Variants in AGAP1 observed in about 807,000 individuals in gnomAD.
AGAP1 encodes arf-GAP with GTPase, ANK repeat and PH domain-containing protein 1.
A neutral mutation model predicts 105.3 loss-of-function variants in AGAP1; 29 were observed. That is an observed-to-expected ratio of 0.28 (90% CI 0.21 to 0.38). The LOEUF is 0.38. Among genes scored for constraint, AGAP1 ranks in the 10% least tolerant of loss-of-function variants. The probability of loss-of-function intolerance (pLI) is 1.00; values close to 1 mark genes in which losing one functional copy is unlikely to be tolerated. For missense variants in AGAP1, 998 were observed against 1,165.1 expected, an observed-to-expected ratio of 0.86 and a Z score of 2.09; for synonymous variants, 509 against 485.9, an observed-to-expected ratio of 1.05 and a Z score of -0.63.
rs529294324 is a variant in AGAP1 at position 236,090,803 on chromosome 2, G to A, written c.2115-29389G>A. Among the ~76,000 whole-genome samples, 131 of 152,274 alleles carry A rather than the reference G, an allele frequency of 8.6e-4. No individual in the cohort carries two copies. Among genetic ancestry groups the A allele is most frequent in the African/African-American group, 3.0e-3 (125 of 41,542 alleles). On this transcript the variant is annotated intron_variant, in intron 16 of 17. Coordinates refer to ENST00000304032, the MANE Select transcript of AGAP1 (RefSeq NM_001037131.3). This position sits in a 1 kb window ranked among gnomAD's most constrained non-coding sequence, Gnocchi z 4.3. Reference sequence around the variant, plus strand: ...TGCCCAGCCTGGAGTGCAGTGGCACGATCTTGGCTCACTGCAACCCCCGCC... The same window carrying A: ...TGCCCAGCCTGGAGTGCAGTGGCACAATCTTGGCTCACTGCAACCCCCGCC...
chr2:235,724,568 A>G lies in AGAP1; in HGVS notation c.310+6924A>G, dbSNP rs1244027908. The stretch of plus-strand genomic sequence containing the variant: ...GAAGTCAGTGCCCTCCCAGATGGAA[A>G]AGGTACCTGCGGTGGTGGGGGGAGG... On this transcript the variant is annotated intron_variant, in intron 3 of 17. Coordinates refer to ENST00000304032, the MANE Select transcript of AGAP1 (RefSeq NM_001037131.3). This position sits in a 1 kb window ranked among gnomAD's most constrained non-coding sequence, Gnocchi z 4.9. Among the ~76,000 whole-genome samples, 1 of 152,176 alleles carries G rather than the reference A, an allele frequency of 6.6e-6. No individual in the cohort carries two copies. Among genetic ancestry groups the G allele is most frequent in the Non-Finnish European group, 1.5e-5 (1 of 68,026 alleles).
At chr2:235,917,569 AG>A (rs1418958877) in intron 11 of AGAP1, among the ~76,000 whole-genome samples, 3 of 152,200 alleles carry the variant, frequency 2.0e-5, no homozygotes, top group Non-Finnish European at 2.9e-5. Context: ...CCGCCGTGAC[AG>A]GGACCGGGGT....
rs1015878978 is a variant in AGAP1 at position 235,958,470 on chromosome 2, A to G, written c.1484-9992A>G. Among the ~76,000 whole-genome samples, 3 of 152,054 alleles carry G rather than the reference A, an allele frequency of 2.0e-5. No homozygotes were observed. Among genetic ancestry groups the G allele is most frequent in the African/African-American group, 7.2e-5 (3 of 41,402 alleles). On this transcript the variant is annotated intron_variant, in intron 12 of 17. Transcript: ENST00000304032. This position sits in a 1 kb window ranked among gnomAD's most constrained non-coding sequence, Gnocchi z 4.1. ...GGAGCGCGAGGGATATGAGAATCACAAGCACAGAGACTCATCTCTTGAATA... is the reference window on the plus strand; with the variant it reads ...GGAGCGCGAGGGATATGAGAATCACGAGCACAGAGACTCATCTCTTGAATA...
intron 1 of AGAP1, among the ~76,000 whole-genome samples, chr2:235,681,059 A>T (rs1023531780): frequency 6.6e-5 from 10 of 151,790 alleles, no homozygotes; most frequent in Non-Finnish European, 1.3e-4. Context: ...CCCAGGCTGG[A>T]GTGCAGTGGC....
At chr2:235,594,663 C>G (rs1207892992) in intron 1 of AGAP1, among the ~76,000 whole-genome samples, 2 of 151,986 alleles carry the variant, frequency 1.3e-5, no homozygotes, top group African/African-American at 4.8e-5. Context: ...CAACCTCCAT[C>G]TTCCGGGTTC....
chr2:235,804,900 A>G (rs905346375), intron 8 of AGAP1, among the ~76,000 whole-genome samples: 2 of 152,168 alleles, frequency 1.3e-5, no homozygotes, highest in African/African-American at 2.4e-5. Flanking sequence ...CTTGTGTCTG[A>G]TGATTCCTCG....
intron 1 of AGAP1, among the ~76,000 whole-genome samples, chr2:235,619,199 G>A (rs542028245): frequency 1.3e-5 from 2 of 152,176 alleles, no homozygotes; most frequent in African/African-American, 4.8e-5. Flanking sequence ...CCAAGTTTGT[G>A]GTTTGTTACA....
intron 10 of AGAP1, among the ~76,000 whole-genome samples, chr2:235,884,400 A>G (rs1575691539): frequency 6.8e-6 from 1 of 148,018 alleles, no homozygotes; most frequent in Non-Finnish European, 1.5e-5. Context: ...TTGCTATACT[A>G]TTGTTTTTTA....
chr2:235,879,621 T>TCCAG lies in AGAP1; in HGVS notation c.1051-3722_1051-3719dup, dbSNP rs1450724187. ...TGGCACAGTGGCTCACTCCCTGTCA[T>TCCAG]CCAGCACTTTCTAAAGACCTAAGCG... On this transcript the variant is annotated intron_variant, in intron 9 of 17. Transcript: ENST00000304032. The surrounding 1 kb of genome is among the most constrained non-coding windows in gnomAD (Gnocchi z 5.0). Among the ~76,000 whole-genome samples the TCCAG allele has an allele frequency of 6.6e-5, 10 of 152,038 alleles. No individual in the cohort carries two copies. Among genetic ancestry groups the TCCAG allele is most frequent in the Non-Finnish European group, 1.5e-4 (10 of 68,004 alleles).
chr2:235,509,049 C>T (rs1221897542), intron 1 of AGAP1, among the ~76,000 whole-genome samples: 1 of 152,186 alleles, frequency 6.6e-6, no homozygotes, highest in African/African-American at 2.4e-5. Context: ...TGTGTGCTCA[C>T]CTGCAGCCAC....
chr2:235,496,438 AGC>A (rs1041682146), intron 1 of AGAP1, among the ~76,000 whole-genome samples: 1 of 152,186 alleles, frequency 6.6e-6, no homozygotes, highest in African/African-American at 2.4e-5. Flanking sequence ...GTGGTGTTGC[AGC>A]AAGGTTCCTC....
intron 6 of AGAP1, among the ~76,000 whole-genome samples, chr2:235,778,707 G>T (rs529757787): frequency 6.6e-6 from 1 of 152,346 alleles, no homozygotes; most frequent in South Asian, 2.1e-4. Flanking sequence ...AGTGCTTGGA[G>T]CAGGGCCCCA....
intron 13 of AGAP1, among the ~76,000 whole-genome samples, chr2:236,006,472 A>G (rs2056326797): frequency 6.6e-6 from 1 of 152,204 alleles, no homozygotes. Flanking sequence ...GCATATGCAT[A>G]TATATCTACA....
At chr2:235,814,244 A>G (rs935227252) in intron 9 of AGAP1, among the ~76,000 whole-genome samples, 5 of 152,162 alleles carry the variant, frequency 3.3e-5, no homozygotes, top group Non-Finnish European at 5.9e-5. Flanking sequence ...TTCTCTACCC[A>G]GCACTTCCCT....
At chr2:235,847,620 C>G (rs1268816165) in intron 9 of AGAP1, among the ~76,000 whole-genome samples, 1 of 152,208 alleles carries the variant, frequency 6.6e-6, no homozygotes, top group African/African-American at 2.4e-5. Flanking sequence ...AATATTTTGA[C>G]TATTCATCAC....
In AGAP1 at chr2:236,040,352, A is replaced by G. The variant is rs1478889756; in HGVS notation, c.1801-399A>G. On this transcript the variant is annotated intron_variant, in intron 14 of 17. Coordinates refer to ENST00000304032, the MANE Select transcript of AGAP1 (RefSeq NM_001037131.3). This position sits in a 1 kb window ranked among gnomAD's most constrained non-coding sequence, Gnocchi z 5.6. ...TGTCTTACATTGCTGATGAAGCCCT[A>G]ACCCTGGGCTTATAAACGGATTATT... Among the ~76,000 whole-genome samples the G allele has an allele frequency of 5.9e-5, 9 of 152,120 alleles. No individual in the cohort carries two copies. The highest frequency in any genetic ancestry group is 1.5e-5 in the Non-Finnish European group (1 of 68,016).
intron 9 of AGAP1, among the ~76,000 whole-genome samples, chr2:235,859,590 A>G (rs1306420995): frequency 6.9e-6 from 1 of 145,894 alleles, no homozygotes; most frequent in East Asian, 2.0e-4. Context: ...CTGTATTTCC[A>G]TAGCTGACTA....
chr2:235,951,248 C>T lies in AGAP1; in HGVS notation c.1484-17214C>T, dbSNP rs561369569. On this transcript the variant is annotated intron_variant, in intron 12 of 17. Coordinates refer to ENST00000304032, the MANE Select transcript of AGAP1 (RefSeq NM_001037131.3). This position sits in a 1 kb window ranked among gnomAD's most constrained non-coding sequence, Gnocchi z 4.2. ...ATCTGCAGTTGCGGATGAAGATGCT[C>T]ACGAGTGGAGGTGTTGGTGGAGATA... Among the ~76,000 whole-genome samples, 1 of 152,256 alleles carries T rather than the reference C, an allele frequency of 6.6e-6. No homozygotes were observed. Among genetic ancestry groups the T allele is most frequent in the Non-Finnish European group, 1.5e-5 (1 of 68,032 alleles).
At chr2:236,081,869 G>A (rs546015960) in intron 16 of AGAP1, among the ~76,000 whole-genome samples, 3 of 152,108 alleles carry the variant, frequency 2.0e-5, no homozygotes, top group South Asian at 2.1e-4. Context: ...GGATGAAAGC[G>A]GTCCCCTCCT....
Sources: gnomAD v4.1 joint callset for allele counts (sites outside exome capture counted in the v4.1 genomes callset) on GRCh38, gnomAD v4.1.1 for gene constraint, Gnocchi (gnomAD v3.1) non-coding constraint, MANE v1.5 for transcripts, NCBI Gene and HGNC (gene_info 2026-07-23, HGNC 2026-07-21) for gene names.